Variants in MED1 observed in about 807,000 individuals in gnomAD.
The protein encoded by MED1 is mediator complex subunit 1, also known as mediator of RNA polymerase II transcription subunit 1.
Under a neutral mutation model 121.3 loss-of-function variants are expected in MED1, and 17 were observed. That is an observed-to-expected ratio of 0.14 (90% CI 0.10 to 0.21). MED1 has a LOEUF of 0.21. Ranked by LOEUF, MED1 falls within the 10% of genes least tolerant of loss-of-function variation. The probability of loss-of-function intolerance (pLI) is 1.00; values close to 1 mark genes in which losing one functional copy is unlikely to be tolerated. For synonymous variants in MED1, 661 were observed against 694.4 expected (o/e 0.95, Z 0.76); for missense variants, 1,558 against 1,919.4 (o/e 0.81, Z 3.52).
At chr17:39,429,882 A>G (rs1425229066) in intron 9 of MED1, among the ~76,000 whole-genome samples, 2 of 151,846 alleles carry the variant, frequency 1.3e-5, no homozygotes, top group African/African-American at 2.4e-5. Context: ...ATCCCAGTTC[A>G]AGACCAGCCT....
chr17:39,434,099 C>A, intron 7 of MED1, 150 bp downstream of exon 7: 1 of 561,076 alleles, frequency 1.8e-6, no homozygotes, highest in Non-Finnish European at 3.2e-6. Flanking sequence ...TTTGAAAGGC[C>A]CAATGTTGGA....
intron 13 of MED1, among the ~76,000 whole-genome samples, chr17:39,422,727 G>T (rs1233958593): frequency 6.6e-6 from 1 of 151,552 alleles, no homozygotes; most frequent in Non-Finnish European, 1.5e-5. Context: ...CACCCGCCTT[G>T]GCCTCCCAAA....
chr17:39,448,369 C>CA (rs1016148899), intron 1 of MED1, among the ~76,000 whole-genome samples: 254 of 138,692 alleles, frequency 1.8e-3, no homozygotes, highest in Middle Eastern at 3.7e-3. Context: ...AACACTGTCT[C>CA]AAAAAAAAAA....
At chr17:39,414,816 C>G (rs2048392718) in intron 16 of MED1, among the ~76,000 whole-genome samples, 1 of 151,724 alleles carries the variant, frequency 6.6e-6, no homozygotes, top group Non-Finnish European at 1.5e-5. Flanking sequence ...ACTACATGTG[C>G]CCGCCATCGC....
At chr17:39,414,876 G>A in intron 16 of MED1, 150 bp downstream of exon 16, 1 of 650,002 alleles carries the variant, frequency 1.5e-6, no homozygotes, top group Non-Finnish European at 2.8e-6. Flanking sequence ...CACCATGTTA[G>A]CCAGAATGGT....
chr17:39,432,962 C>T (rs2048581211), intron 7 of MED1, among the ~76,000 whole-genome samples: 1 of 152,044 alleles, frequency 6.6e-6, no homozygotes, highest in South Asian at 2.1e-4. Flanking sequence ...AATCCAAGCA[C>T]TCTGGGAGGC....
chr17:39,417,283 T>C (rs1007295736), intron 14 of MED1, among the ~76,000 whole-genome samples: 56 of 148,094 alleles, frequency 3.8e-4, no homozygotes, highest in African/African-American at 1.4e-3. Context: ...TGAGTGAAGA[T>C]CACACCACTG....
intron 6 of MED1, among the ~76,000 whole-genome samples, chr17:39,438,811 T>TGGTGGCACACACATGCAGTCCCA (rs1186988836): frequency 6.6e-6 from 1 of 152,078 alleles, no homozygotes; most frequent in Non-Finnish European, 1.5e-5. Flanking sequence ...TAGCTGGGCA[T>TGGTGGCACACACATGCAGTCCCA]GGTGGCACAC....
At chr17:39,423,298 A>G (rs768371901) in intron 13 of MED1, 29 bp downstream of exon 13, 2 of 1,498,298 alleles carry the variant, frequency 1.3e-6, no homozygotes, top group Non-Finnish European at 1.9e-6. Flanking sequence ...ATAACCTACA[A>G]CATTCTAGCT....
In MED1 at chr17:39,451,249, C is replaced by T. The variant is rs1456072411; in HGVS notation, c.-187G>A. ...GGGTGCTCGAGGCCGCCGCCATCTT[C>T]CCCAACGGAACTTCCCAAAATTCGC... On this transcript the variant is annotated 5_prime_UTR_variant, in exon 1 of 17. Transcript: ENST00000300651. 1.6e-6 allele frequency: 1 copy of T among 609,034 alleles called. No homozygotes were observed. The highest frequency in any genetic ancestry group is 1.9e-5 in the African/African-American group (1 of 52,370). The allele number at this position is 609,034 out of a possible 1,614,324, so 37.7% of individuals were successfully genotyped here.
chr17:39,419,993 C>T (rs1250020333), intron 13 of MED1, 75 bp from the exon 14 acceptor site: 6 of 1,347,880 alleles, frequency 4.5e-6, no homozygotes, highest in Non-Finnish European at 6.2e-6. Flanking sequence ...CCTGAAAAAA[C>T]CTACTACTCA....
chr17:39,417,289 C>T (rs1016902194), intron 14 of MED1, among the ~76,000 whole-genome samples: 14 of 151,198 alleles, frequency 9.3e-5, no homozygotes, highest in Non-Finnish European at 1.3e-4. Context: ...AAGATCACAC[C>T]ACTGCACTCC....
intron 10 of MED1, among the ~76,000 whole-genome samples, chr17:39,427,274 C>T (rs1045555057): frequency 2.6e-5 from 4 of 152,022 alleles, no homozygotes; most frequent in Non-Finnish European, 5.9e-5. Flanking sequence ...CTCCTCCTCC[C>T]GGGTTCAAGC....
intron 2 of MED1, among the ~76,000 whole-genome samples, chr17:39,446,590 A>G (rs2048729804): frequency 6.6e-6 from 1 of 151,760 alleles, no homozygotes; most frequent in South Asian, 2.1e-4. Flanking sequence ...CCTGACCAAC[A>G]TGGTGAAACC....
In MED1 at chr17:39,424,749, G is replaced by GA. The variant is rs758734250; in HGVS notation, c.740-12dup. ...CCAAAGATCGAGAAACTGGGGATAG[G>GA]AAAGAAAAAGGGTATTCCTCAAAGT... On this transcript the variant is annotated splice_polypyrimidine_tract_variant and intron_variant, in intron 10 of 16. Coordinates refer to ENST00000300651, the MANE Select transcript of MED1 (RefSeq NM_004774.4). The GA allele has an allele frequency of 6.8e-7, 1 of 1,471,018 alleles. No individual in the cohort carries two copies. Among genetic ancestry groups the GA allele is most frequent in the South Asian group, 1.2e-5 (1 of 85,668 alleles). 91.1% of individuals were successfully genotyped at this position (1,471,018 alleles called of 1,614,324 possible).
At chr17:39,438,618 T>G (rs1597871316) in intron 6 of MED1, among the ~76,000 whole-genome samples, 1 of 152,044 alleles carries the variant, frequency 6.6e-6, no homozygotes, top group Non-Finnish European at 1.5e-5. Context: ...CCCAAAGTCC[T>G]GGGATTACAG....
intron 10 of MED1, among the ~76,000 whole-genome samples, chr17:39,427,243 G>A (rs1005508229): frequency 3.3e-5 from 5 of 151,912 alleles, no homozygotes; most frequent in Admixed American, 6.6e-5. Context: ...GTGCAGTGAC[G>A]CAATCTTGAC....
At chr17:39,427,999 T>C (rs1317439242) in intron 9 of MED1, among the ~76,000 whole-genome samples, 2 of 152,104 alleles carry the variant, frequency 1.3e-5, no homozygotes, top group African/African-American at 4.8e-5. Context: ...AGAGGATCAC[T>C]TGAGTCCAGG....
At chr17:39,424,862 C>CTTAT (rs991924928) in intron 10 of MED1, 124 bp from the exon 11 acceptor site, 53 of 619,844 alleles carry the variant, frequency 8.6e-5, no homozygotes, top group African/African-American at 7.6e-4. Flanking sequence ...CTGTTATTCC[C>CTTAT]TTATTTATTT....
Sources: allele counts gnomAD v4.1 joint callset (sites outside exome capture counted in the v4.1 genomes callset), GRCh38; gene constraint gnomAD v4.1.1; transcripts MANE v1.5; gene names NCBI Gene and HGNC (gene_info 2026-07-23, HGNC 2026-07-21).